The following NAALADL2 variants were observed in gnomAD, a reference collection of about 807,000 sequenced individuals.
NAALADL2 encodes inactive N-acetylated-alpha-linked acidic dipeptidase-like protein 2.
NAALADL2 carries 76 observed loss-of-function variants against 87.2 expected under a neutral mutation model. The ratio of observed to expected loss-of-function variants is 0.87; its 90% confidence interval spans 0.72 to 1.05. The LOEUF (loss-of-function observed/expected upper bound fraction) is 1.05, where lower values mean the gene tolerates loss of function less well. Ranked by LOEUF, NAALADL2 falls within the 50% of genes least tolerant of loss-of-function variation. The pLI is 0.00. For synonymous variants in NAALADL2, 354 were observed against 331.0 expected, an observed-to-expected ratio of 1.07 and a Z score of -0.75; for missense variants, 1,089 against 945.8, an observed-to-expected ratio of 1.15 and a Z score of -1.99.
chr3:174,724,332 T>C (rs889340893), intron 2 of NAALADL2, among the ~76,000 whole-genome samples: 27 of 152,188 alleles, frequency 1.8e-4, no homozygotes, highest in African/African-American at 6.5e-4. Context: ...GGTAAACTTA[T>C]GTGCTTTTAT....
intron 10 of NAALADL2, among the ~76,000 whole-genome samples, chr3:175,616,853 C>T (rs1322004168): frequency 1.3e-5 from 2 of 152,136 alleles, no homozygotes; most frequent in Admixed American, 1.3e-4. Context: ...GTAGCTTCTG[C>T]TTTTAAGGGA....
chr3:174,449,859 T>A (rs1200445397), intron 1 of NAALADL2, among the ~76,000 whole-genome samples: 1 of 152,184 alleles, frequency 6.6e-6, no homozygotes, highest in East Asian at 1.9e-4. Context: ...GCCTCTCTTT[T>A]CAGTTTTTTT....
chr3:175,202,896 G>T (rs116713296), intron 2 of NAALADL2, among the ~76,000 whole-genome samples: 4 of 152,064 alleles, frequency 2.6e-5, no homozygotes, highest in East Asian at 1.9e-4. Flanking sequence ...TCAGGGAAGT[G>T]GGGGAAGGGT....
rs369162502 is a variant in NAALADL2, at chr3:175,216,946, C to T, written c.546-16985C>T. 3.0e-3 allele frequency among the ~76,000 whole-genome samples: 457 copies of T among 152,152 alleles called. 2 individuals carry two copies. The highest frequency in any genetic ancestry group is 0.011 in the African/African-American group (443 of 41,526). ...CCTCCCAAAGGGTTGGGATTACAGG[C>T]GTGAGCCACTGCACCTGGATAAGAA... On this transcript the variant is annotated intron_variant, in intron 2 of 13. Transcript: ENST00000454872.
At chr3:175,646,715 C>T (rs1345569128) in intron 11 of NAALADL2, among the ~76,000 whole-genome samples, 3 of 152,022 alleles carry the variant, frequency 2.0e-5, no homozygotes, top group Non-Finnish European at 4.4e-5. Flanking sequence ...TGCCTTCCAT[C>T]GGAGACACAA....
intron 3 of NAALADL2, among the ~76,000 whole-genome samples, chr3:174,777,241 A>G (rs1443940950): frequency 1.3e-5 from 2 of 152,264 alleles, no homozygotes; most frequent in East Asian, 3.9e-4. Context: ...CATGTATTTT[A>G]TAGTTCATTT....
intron 1 of NAALADL2, among the ~76,000 whole-genome samples, chr3:174,882,603 A>G (rs1464857158): frequency 3.0e-5 from 4 of 134,870 alleles, no homozygotes; most frequent in South Asian, 2.1e-4. Context: ...ATATACACAT[A>G]CATATATGTG....
At chr3:175,303,117 C>T (rs1757292191) in intron 4 of NAALADL2, among the ~76,000 whole-genome samples, 1 of 152,058 alleles carries the variant, frequency 6.6e-6, no homozygotes, top group South Asian at 2.1e-4. Flanking sequence ...ACTGAAAAGA[C>T]ATGAGATTTG....
chr3:174,961,399 G>T (rs1175194970), intron 1 of NAALADL2, among the ~76,000 whole-genome samples: 2 of 151,804 alleles, frequency 1.3e-5, no homozygotes, highest in African/African-American at 4.8e-5. Context: ...AATCTTAAAA[G>T]CAAGAATTTC....
intron 5 of NAALADL2, among the ~76,000 whole-genome samples, chr3:175,430,710 C>G (rs1560537991): frequency 1.3e-5 from 2 of 152,006 alleles, no homozygotes; most frequent in Middle Eastern, 3.2e-3. Context: ...CTGAGAGTAG[C>G]ACAGAAGTCT....
chr3:175,803,200 T>C lies in NAALADL2; in HGVS notation c.2385T>C (p.Asn795=), dbSNP rs760584843. 24 of 1,592,454 alleles carry C rather than the reference T, an allele frequency of 1.5e-5. No individual in the cohort carries two copies. The highest frequency in any genetic ancestry group is 5.4e-5 in the African/African-American group (4 of 74,232). The change falls in exon 14 of 14, where the codon AAT becomes AAC. Residue 795 remains asparagine, a synonymous_variant. Transcript: ENST00000454872. ...TCAAGAGTGTCTTGGATGGGAAGAA[T>C]TGAGAAAACTCTGAGCATTTTTAAA... ...DVFKSVLDGK[N] is the part of the protein sequence containing the mutation.
chr3:175,577,555 A>AC (rs377267706), intron 10 of NAALADL2, among the ~76,000 whole-genome samples: 6 of 152,118 alleles, frequency 3.9e-5, no homozygotes, highest in African/African-American at 1.4e-4. Flanking sequence ...TCTAAGAAGA[A>AC]CCGTATTATC....
chr3:174,940,405 G>A lies in NAALADL2; in HGVS notation c.43+80955G>A, dbSNP rs73174801. ...AGCTCTTTTGTGTGCTGCTGGATTC[G>A]GTATGCAAGTATCTTGTCAAGAATT... On this transcript the variant is annotated intron_variant, in intron 1 of 13. Transcript: ENST00000454872. Among the ~76,000 whole-genome samples, 957 of 152,116 alleles carry A rather than the reference G, an allele frequency of 6.3e-3. 6 individuals are homozygous for A. Among genetic ancestry groups the A allele is most frequent in the Non-Finnish European group, 9.7e-3 (657 of 67,968 alleles).
rs1738970089 is a variant in NAALADL2 at position 174,943,744 on chromosome 3, GT to G, written c.43+84295del. On this transcript the variant is annotated intron_variant, in intron 1 of 13. Coordinates refer to ENST00000454872, the MANE Select transcript of NAALADL2 (RefSeq NM_207015.3). ...TATTTGGTGATGAGCAGCAGGGTGT[GT>G]GTGGGACCCATGGGAGATTGACTGG... Among the ~76,000 whole-genome samples, 3 of 152,318 alleles carry G rather than the reference GT, an allele frequency of 2.0e-5. No individual in the cohort carries two copies. The South Asian group carries it at 6.2e-4, about 32-fold the overall frequency.
chr3:174,834,508 A>C (rs1246867571), intron 3 of NAALADL2, among the ~76,000 whole-genome samples: 1 of 152,134 alleles, frequency 6.6e-6, no homozygotes, highest in Non-Finnish European at 1.5e-5. Context: ...GAAGCATGTA[A>C]ACTTGTAATT....
chr3:174,872,382 C>T (rs192403926), intron 1 of NAALADL2, among the ~76,000 whole-genome samples: 1 of 152,244 alleles, frequency 6.6e-6, no homozygotes, highest in East Asian at 1.9e-4. Flanking sequence ...AACTAGGTGG[C>T]AGAGCCGGGA....
At chr3:174,817,427 C>T (rs763807742) in intron 3 of NAALADL2, among the ~76,000 whole-genome samples, 1 of 152,016 alleles carries the variant, frequency 6.6e-6, no homozygotes, top group Non-Finnish European at 1.5e-5. Flanking sequence ...CAGAGTGACA[C>T]CATGTCTCTA....
chr3:174,599,125 G>A (rs536223), intron 2 of NAALADL2, among the ~76,000 whole-genome samples: 23,249 of 152,052 alleles, frequency 0.15, 2,082 homozygotes, highest in African/African-American at 0.23. Context: ...TTAAGTTTCC[G>A]TAAAATGAAC....
chr3:174,457,606 A>T (rs1715927504), intron 1 of NAALADL2, among the ~76,000 whole-genome samples: 2 of 152,116 alleles, frequency 1.3e-5, no homozygotes, highest in East Asian at 3.9e-4. Context: ...TGGGCAGATC[A>T]TGAGGTCAGG....
Sources: allele counts gnomAD v4.1 joint callset (sites outside exome capture counted in the v4.1 genomes callset), GRCh38; gene constraint gnomAD v4.1.1; transcripts MANE v1.5; gene names NCBI Gene and HGNC (gene_info 2026-07-23, HGNC 2026-07-21).